The following FNIP1 variants were observed in gnomAD, a reference collection of about 807,000 sequenced individuals.
The protein encoded by FNIP1 is folliculin-interacting protein 1.
FNIP1 carries 40 observed loss-of-function variants against 124.5 expected under a neutral mutation model. That is an observed-to-expected ratio of 0.32 (90% CI 0.25 to 0.42). The LOEUF is 0.42. Among genes scored for constraint, FNIP1 ranks in the 10% least tolerant of loss-of-function variants. The probability of loss-of-function intolerance (pLI) is 1.00; values close to 1 mark genes in which losing one functional copy is unlikely to be tolerated. For synonymous variants in FNIP1, 472 were observed against 470.6 expected (o/e 1.00, Z -0.04); for missense variants, 1,176 against 1,403.7 (o/e 0.84, Z 2.59).
chr5:131,769,157 A>G (rs984301755), intron 1 of FNIP1, among the ~76,000 whole-genome samples: 3 of 152,208 alleles, frequency 2.0e-5, no homozygotes, highest in African/African-American at 7.2e-5. Flanking sequence ...AACAAATGGC[A>G]GAAAGAGAAT....
At chr5:131,711,333 G>T (rs1243356588) in intron 6 of FNIP1, among the ~76,000 whole-genome samples, 1 of 152,204 alleles carries the variant, frequency 6.6e-6, no homozygotes, top group Non-Finnish European at 1.5e-5. Flanking sequence ...TCAAGAAAAG[G>T]TAACTGCAGT....
intron 7 of FNIP1, among the ~76,000 whole-genome samples, 166 bp downstream of exon 7, chr5:131,710,412 C>T (rs1350508258): frequency 6.6e-6 from 1 of 152,160 alleles, no homozygotes; most frequent in Non-Finnish European, 1.5e-5. Context: ...ACTTTAAGAA[C>T]ATGTTCAGTA....
intron 1 of FNIP1, among the ~76,000 whole-genome samples, chr5:131,749,860 G>A (rs866770192): frequency 6.6e-6 from 1 of 152,064 alleles, no homozygotes; most frequent in African/African-American, 2.4e-5. Flanking sequence ...TACAGCCTAG[G>A]TGTGTAGTAG....
At chr5:131,760,414 ATCAAC>A (rs1771188264) in intron 1 of FNIP1, among the ~76,000 whole-genome samples, 1 of 152,138 alleles carries the variant, frequency 6.6e-6, no homozygotes, top group Non-Finnish European at 1.5e-5. Context: ...TTTCTAAGTG[ATCAAC>A]TCTTTTCCTT....
At chr5:131,664,888 A>T (rs549799157) in intron 15 of FNIP1, among the ~76,000 whole-genome samples, 1 of 150,652 alleles carries the variant, frequency 6.6e-6, no homozygotes, top group Non-Finnish European at 1.5e-5. Flanking sequence ...GGACTCAGCT[A>T]TATAAAAATA....
At chr5:131,776,525 T>G (rs1771812854) in intron 1 of FNIP1, among the ~76,000 whole-genome samples, 1 of 152,230 alleles carries the variant, frequency 6.6e-6, no homozygotes, top group African/African-American at 2.4e-5. Context: ...GGGTAAATTG[T>G]ATCTTCACAT....
intron 11 of FNIP1, among the ~76,000 whole-genome samples, chr5:131,693,299 TATATATATATATATATACAC>T (rs1290242935): frequency 2.5e-3 from 59 of 24,030 alleles, no homozygotes; most frequent in African/African-American, 6.0e-3. Context: ...AATATATACA[TATATATATATATATATACAC>T]ATATATATAT....
intron 6 of FNIP1, among the ~76,000 whole-genome samples, chr5:131,712,234 C>T (rs1025725411): frequency 3.3e-5 from 5 of 151,654 alleles, no homozygotes; most frequent in African/African-American, 1.2e-4. Flanking sequence ...CCCAATCCCC[C>T]ATTCTTCTTC....
chr5:131,755,902 G>C (rs1771035145), intron 1 of FNIP1, among the ~76,000 whole-genome samples: 1 of 152,006 alleles, frequency 6.6e-6, no homozygotes, highest in African/African-American at 2.4e-5. Context: ...CTAGCTACTT[G>C]GGAGGCTGAA....
At chr5:131,790,255 T>C (rs1488121058) in intron 1 of FNIP1, among the ~76,000 whole-genome samples, 1 of 152,008 alleles carries the variant, frequency 6.6e-6, no homozygotes, top group Admixed American at 6.6e-5. Context: ...CTATTTTTGA[T>C]AGCGTGTTTA....
intron 3 of FNIP1, among the ~76,000 whole-genome samples, chr5:131,722,588 T>C (rs950891812): frequency 2.6e-5 from 4 of 152,236 alleles, no homozygotes; most frequent in Non-Finnish European, 5.9e-5. Flanking sequence ...TGTCCTATTA[T>C]TAGGGTTAAG....
At chr5:131,707,292 G>C (rs1204368318) in intron 8 of FNIP1, among the ~76,000 whole-genome samples, 1 of 152,212 alleles carries the variant, frequency 6.6e-6, no homozygotes, top group Non-Finnish European at 1.5e-5. Context: ...TGGATTTAGA[G>C]AGGATAACAC....
chr5:131,741,425 C>T (rs895572138), intron 2 of FNIP1, among the ~76,000 whole-genome samples: 13 of 152,132 alleles, frequency 8.5e-5, no homozygotes, highest in Admixed American at 1.3e-4. Context: ...TTATGTAGTT[C>T]ACTTTGTATA....
chr5:131,669,861 C>T (rs1281060844), intron 15 of FNIP1, among the ~76,000 whole-genome samples: 1 of 150,046 alleles, frequency 6.7e-6, no homozygotes, highest in African/African-American at 2.4e-5. Context: ...CAACGATGTC[C>T]ATGGTCACCA....
chr5:131,687,087 G>A (rs1768303793), intron 11 of FNIP1, among the ~76,000 whole-genome samples: 1 of 148,100 alleles, frequency 6.8e-6, no homozygotes, highest in African/African-American at 2.5e-5. Flanking sequence ...GATCAATTTA[G>A]GTTGTGGTTT....
intron 6 of FNIP1, among the ~76,000 whole-genome samples, chr5:131,713,351 C>A (rs894610772): frequency 6.6e-6 from 1 of 152,062 alleles, no homozygotes; most frequent in Non-Finnish European, 1.5e-5. Context: ...CGGCCTCGTA[C>A]CCCTTCTTAA....
chr5:131,740,633 T>A (rs765188723), intron 2 of FNIP1, among the ~76,000 whole-genome samples: 1 of 152,198 alleles, frequency 6.6e-6, no homozygotes, highest in Non-Finnish European at 1.5e-5. Context: ...ATCGAAACCA[T>A]ATCTCAATAT....
At chr5:131,695,473 G>C (rs1013324265) in intron 11 of FNIP1, among the ~76,000 whole-genome samples, 2 of 152,138 alleles carry the variant, frequency 1.3e-5, no homozygotes, top group African/African-American at 4.8e-5. Context: ...AAAGAAAGAA[G>C]GGATAGTCAT....
intron 12 of FNIP1, 59 bp from the exon 13 acceptor site, chr5:131,677,931 A>G: frequency 7.7e-6 from 12 of 1,554,098 alleles, no homozygotes; most frequent in Non-Finnish European, 1.0e-5. Context: ...CTTAGGTAAA[A>G]TGTAGTGAAA....
Sources: allele counts gnomAD v4.1 joint callset (sites outside exome capture counted in the v4.1 genomes callset), GRCh38; gene constraint gnomAD v4.1.1; transcripts MANE v1.5; gene names NCBI Gene and HGNC (gene_info 2026-07-23, HGNC 2026-07-21).